Variants in INSL6 observed in about 807,000 individuals in gnomAD.
The protein encoded by INSL6 is insulin like 6.
Under a neutral mutation model 9.4 loss-of-function variants are expected in INSL6, and 16 were observed. That is an observed-to-expected ratio of 1.70 (90% CI 1.15 to 2.59). The LOEUF is 2.59. Among genes scored for constraint, INSL6 ranks in the 30% most tolerant of loss-of-function variants. INSL6 has a pLI of 0.00. For synonymous variants in INSL6, 154 were observed against 96.9 expected (o/e 1.59, Z -3.46); for missense variants, 391 against 257.3 (o/e 1.52, Z -3.56).
chr9:5,148,399 T>G (rs1429006696), intron 2 of INSL6, among the ~76,000 whole-genome samples: 8 of 152,180 alleles, frequency 5.3e-5, no homozygotes, highest in African/African-American at 1.9e-4. Flanking sequence ...TATTCTGCCA[T>G]GTGAGGGAGA....
At chr9:5,003,607 G>C in the INSL6 span, among the ~76,000 whole-genome samples, 1 of 152,114 alleles carries the variant, frequency 6.6e-6, no homozygotes, top group South Asian at 2.1e-4. Context: ...GTGATTGGTA[G>C]ATTCTTTTAA....
chr9:5,041,807 C>T, the INSL6 span: 1 of 485,064 alleles, frequency 2.1e-6, no homozygotes, highest in African/African-American at 2.0e-5. Flanking sequence ...ATCAGCCGCA[C>T]AGCAAAAACC....
At chr9:5,182,320 A>T (rs1248826951) in intron 1 of INSL6, among the ~76,000 whole-genome samples, 1 of 152,170 alleles carries the variant, frequency 6.6e-6, no homozygotes, top group African/African-American at 2.4e-5. Context: ...TGAACAGGAA[A>T]GAATGCATAA....
chr9:5,018,089 A>C, the INSL6 span, among the ~76,000 whole-genome samples: 1 of 152,174 alleles, frequency 6.6e-6, no homozygotes. Context: ...TAATCTATTT[A>C]CATTCAAGTT....
chr9:5,148,925 G>A (rs1395832629), intron 2 of INSL6, among the ~76,000 whole-genome samples: 1 of 149,648 alleles, frequency 6.7e-6, no homozygotes, highest in Non-Finnish European at 1.5e-5. Context: ...GGTGCTGGTG[G>A]GCAAGCTGGC....
At chr9:5,069,002 T>A in the INSL6 span, 1 of 1,435,880 alleles carries the variant, frequency 7.0e-7, no homozygotes, top group Non-Finnish European at 9.6e-7. Context: ...CTCCCTTTCT[T>A]TATAATTAAA....
downstream of INSL6, among the ~76,000 whole-genome samples, chr9:5,159,688 C>T (rs956865985): frequency 3.3e-5 from 5 of 152,214 alleles, no homozygotes; most frequent in African/African-American, 1.2e-4. Flanking sequence ...GACCCCAATA[C>T]ATTAAAACCT....
At chr9:5,105,529 A>C in the INSL6 span, among the ~76,000 whole-genome samples, 2 of 152,360 alleles carry the variant, frequency 1.3e-5, no homozygotes, top group Non-Finnish European at 1.5e-5. Flanking sequence ...CCATCAAGCT[A>C]CCAATGACTT....
the INSL6 span, chr9:5,111,514 C>G: frequency 2.7e-6 from 1 of 365,860 alleles, no homozygotes; most frequent in Admixed American, 3.7e-5. Context: ...CCTATCCATC[C>G]GCCAAGACGC....
chr9:5,111,170 G>C, the INSL6 span: 6 of 746,062 alleles, frequency 8.0e-6, no homozygotes, highest in South Asian at 1.4e-5. Flanking sequence ...TCGCACGGCA[G>C]CCACTCTCCA....
the INSL6 span, chr9:5,029,915 T>C: frequency 6.4e-7 from 1 of 1,572,530 alleles, no homozygotes; most frequent in Admixed American, 2.0e-5. Flanking sequence ...AGGTACTTTC[T>C]TCAGTAAAGT....
chr9:5,111,021 C>T, the INSL6 span: 2 of 801,612 alleles, frequency 2.5e-6, no homozygotes, highest in Non-Finnish European at 4.1e-6. Flanking sequence ...AGGGCCGGCC[C>T]GCCTCCCTGG....
chr9:5,114,024 G>A, the INSL6 span: 4 of 308,682 alleles, frequency 1.3e-5, no homozygotes, highest in African/African-American at 4.4e-5. Flanking sequence ...CTGGTCCATC[G>A]CCTCTCCCAT....
At chr9:5,126,492 C>A in intron 3 of INSL6, 1 of 1,324,776 alleles carries the variant, frequency 7.5e-7, no homozygotes, top group Non-Finnish European at 1.1e-6. Context: ...TTTTCTTTTA[C>A]TTTTTACTCA....
the INSL6 span, among the ~76,000 whole-genome samples, chr9:5,071,596 TG>T: frequency 1.3e-5 from 2 of 152,266 alleles, no homozygotes; most frequent in Middle Eastern, 3.4e-3. Flanking sequence ...AAGACAGATC[TG>T]AAGAAATTAA....
the INSL6 span, among the ~76,000 whole-genome samples, chr9:5,102,197 T>C: frequency 6.6e-6 from 1 of 152,086 alleles, no homozygotes; most frequent in Non-Finnish European, 1.5e-5. Flanking sequence ...AGACCTTAAA[T>C]GACCTGATGG....
the INSL6 span, chr9:5,090,725 T>C: frequency 6.4e-7 from 1 of 1,571,620 alleles, no homozygotes; most frequent in Non-Finnish European, 8.6e-7. Flanking sequence ...GAAAGAAAAA[T>C]GTTTTATCCA....
the INSL6 span, among the ~76,000 whole-genome samples, chr9:5,038,109 T>C: frequency 1.3e-5 from 2 of 152,178 alleles, no homozygotes; most frequent in Non-Finnish European, 2.9e-5. Flanking sequence ...AATGATTTGT[T>C]CTTCTTTTGT....
the INSL6 span, chr9:5,029,746 G>T: frequency 6.4e-7 from 1 of 1,567,720 alleles, no homozygotes; most frequent in African/African-American, 1.4e-5. Flanking sequence ...ATTCTGTTGT[G>T]TACCTTTAAT....
Sources: gnomAD v4.1 joint callset for allele counts (sites outside exome capture counted in the v4.1 genomes callset) on GRCh38, gnomAD v4.1.1 for gene constraint, MANE v1.5 for transcripts, NCBI Gene and HGNC (gene_info 2026-07-23, HGNC 2026-07-21) for gene names.